FREM2: variants seen among roughly 807,000 people sequenced by gnomAD.
FREM2 encodes the protein FRAS1-related extracellular matrix protein 2.
A neutral mutation model predicts 219.9 loss-of-function variants in FREM2; 119 were observed. The observed-to-expected ratio is 0.54, with a 90% CI of 0.47 to 0.63. The LOEUF is 0.63. Ranked by LOEUF, FREM2 falls within the 30% of genes least tolerant of loss-of-function variation. FREM2 has a pLI of 0.00. For missense variants in FREM2, 4,030 were observed against 3,993.6 expected (o/e 1.01, Z -0.25); for synonymous variants, 1,562 against 1,522.8 (o/e 1.03, Z -0.60).
chr13:38,715,766 G>A (rs1870972601), intron 2 of FREM2, among the ~76,000 whole-genome samples: 1 of 151,660 alleles, frequency 6.6e-6, no homozygotes, highest in African/African-American at 2.4e-5. Flanking sequence ...ATCCTATCTT[G>A]GCCATTTATT....
In FREM2 at chr13:38,881,959, G is replaced by T. The variant is rs534617109; in HGVS notation, c.*1172G>T. The T allele has an allele frequency of 6.6e-6, 1 of 152,252 alleles. No individual in the cohort carries two copies. Among genetic ancestry groups the T allele is most frequent in the East Asian group, 1.9e-4 (1 of 5,180 alleles). 9.4% of individuals were successfully genotyped at this position (152,252 alleles called of 1,614,324 possible). Reference sequence around the variant, plus strand: ...TATCATTCCAGAAATGGTCTTGGAGGTGGCCAGAATCATTGACCATATTTT... The same window carrying T: ...TATCATTCCAGAAATGGTCTTGGAGTTGGCCAGAATCATTGACCATATTTT... On this transcript the variant is annotated 3_prime_UTR_variant, in exon 24 of 24. Transcript: ENST00000280481.
At chr13:38,840,656 AT>A (rs1354365691) in intron 6 of FREM2, among the ~76,000 whole-genome samples, 1 of 148,656 alleles carries the variant, frequency 6.7e-6, no homozygotes, top group Non-Finnish European at 1.5e-5. Flanking sequence ...GTGTATGTAT[AT>A]ATATACACAC....
intron 6 of FREM2, among the ~76,000 whole-genome samples, chr13:38,812,364 C>T (rs189483268): frequency 5.9e-4 from 89 of 152,018 alleles, no homozygotes; most frequent in Non-Finnish European, 3.2e-4. Flanking sequence ...GTCTGGTTGT[C>T]GGGTCTTTTC....
intron 1 of FREM2, among the ~76,000 whole-genome samples, 196 bp from the exon 2 acceptor site, chr13:38,697,502 G>A (rs1307367532): frequency 6.6e-6 from 1 of 152,198 alleles, no homozygotes; most frequent in Non-Finnish European, 1.5e-5. Flanking sequence ...TTATCTGTGT[G>A]AGGGATCAGG....
intron 16 of FREM2, among the ~76,000 whole-genome samples, 199 bp from the exon 17 acceptor site, chr13:38,872,543 A>G (rs777061957): frequency 1.3e-5 from 2 of 152,218 alleles, no homozygotes; most frequent in African/African-American, 4.8e-5. Flanking sequence ...TTTGTTGCCA[A>G]TGAAGGTAAT....
intron 1 of FREM2, among the ~76,000 whole-genome samples, chr13:38,693,155 A>C (rs1869966384): frequency 6.6e-6 from 1 of 152,228 alleles, no homozygotes; most frequent in Admixed American, 6.5e-5. Flanking sequence ...GAGTTATAAC[A>C]ATGATATTTA....
In FREM2 at chr13:38,783,129, T is replaced by C. The variant is rs1383107924; in HGVS notation, c.5701T>C (p.Phe1901Leu). ...CGTTGAAGAAGATGTTGGTGAGCTG[T>C]TCATTCCCATCAGGAGGAGCGGAGA... ...YSVEEDVGEL[F>L]IPIRRSGDVS... Residue 1901 changes from phenylalanine (F) to leucine (L), a missense_variant, in exon 5 of 24, where the codon TTC (phenylalanine) becomes CTC (leucine). Phe to Leu is a conservative substitution (Grantham distance 22). Coordinates refer to ENST00000280481, the MANE Select transcript of FREM2 (RefSeq NM_207361.6). 4.3e-5 allele frequency: 69 copies of C among 1,613,926 alleles called. No individual in the cohort carries two copies. Among genetic ancestry groups the C allele is most frequent in the Non-Finnish European group, 5.4e-5 (64 of 1,179,934 alleles).
intron 2 of FREM2, among the ~76,000 whole-genome samples, chr13:38,741,501 A>G (rs1358736197): frequency 6.6e-6 from 1 of 152,180 alleles, no homozygotes; most frequent in African/African-American, 2.4e-5. Flanking sequence ...ATGAACAGGG[A>G]CAATTGAGAT....
At chr13:38,843,497 A>G (rs1474327754) in intron 6 of FREM2, among the ~76,000 whole-genome samples, 1 of 152,142 alleles carries the variant, frequency 6.6e-6, no homozygotes, top group Non-Finnish European at 1.5e-5. Context: ...CTCATGAATA[A>G]TAATTTTTGA....
At chr13:38,831,241 G>A (rs1876496607) in intron 6 of FREM2, among the ~76,000 whole-genome samples, 1 of 152,144 alleles carries the variant, frequency 6.6e-6, no homozygotes, top group Non-Finnish European at 1.5e-5. Flanking sequence ...AATAGCATTT[G>A]TGGAATAAAG....
At chr13:38,858,966 G>A (rs990877940) in intron 13 of FREM2, among the ~76,000 whole-genome samples, 1 of 129,254 alleles carries the variant, frequency 7.7e-6, no homozygotes, top group African/African-American at 2.8e-5. Context: ...GGATAAGGGG[G>A]GTAAGATGAG....
chr13:38,750,824 C>CTGGTATT (rs1323079706), intron 2 of FREM2, among the ~76,000 whole-genome samples: 32 of 152,240 alleles, frequency 2.1e-4, no homozygotes, highest in Middle Eastern at 3.4e-3. Context: ...TCCCAAGTAG[C>CTGGTATT]TGGTATTACA....
At chr13:38,702,635 T>G (rs549389926) in intron 2 of FREM2, among the ~76,000 whole-genome samples, 1 of 125,326 alleles carries the variant, frequency 8.0e-6, no homozygotes, top group South Asian at 3.1e-4. Flanking sequence ...CAGCATCAGA[T>G]CCAGCTTGTT....
chr13:38,780,532 C>T lies in FREM2; in HGVS notation c.5642-2538C>T, dbSNP rs568990248. ...TCTCTTTATCTTACAGCAGTCACAACTTATGTTCTTAAAGTATGTCAGATT... is the reference window on the plus strand; with the variant it reads ...TCTCTTTATCTTACAGCAGTCACAATTTATGTTCTTAAAGTATGTCAGATT... On this transcript the variant is annotated intron_variant, in intron 4 of 23. Transcript: ENST00000280481. Among the ~76,000 whole-genome samples the T allele has an allele frequency of 3.9e-5, 6 of 152,308 alleles. No homozygotes were observed. The South Asian group carries it at 1.2e-3, about 32-fold the overall frequency.
In FREM2 at chr13:38,885,974, C is replaced by G. The variant is rs556158747; in HGVS notation, c.*5187C>G. The G allele has an allele frequency of 3.3e-5, 5 of 152,200 alleles. No individual in the cohort carries two copies. The East Asian group carries it at 9.6e-4, about 29-fold the overall frequency. 9.4% of individuals were successfully genotyped at this position (152,200 alleles called of 1,614,324 possible). On this transcript the variant is annotated 3_prime_UTR_variant, in exon 24 of 24. Transcript: ENST00000280481. The stretch of plus-strand genomic sequence containing the variant: ...TTTTTAAAATTATAATTATCAAATG[C>G]ACAATGTTCTTTTACTATGCCAAAT...
intron 2 of FREM2, among the ~76,000 whole-genome samples, chr13:38,732,830 A>G (rs1235323654): frequency 6.6e-6 from 1 of 152,234 alleles, no homozygotes; most frequent in Non-Finnish European, 1.5e-5. Context: ...ACTATTTTAT[A>G]TGGTTCTGAG....
At chr13:38,799,022 A>G (rs1874905401) in intron 6 of FREM2, among the ~76,000 whole-genome samples, 1 of 150,888 alleles carries the variant, frequency 6.6e-6, no homozygotes. Context: ...TGCTAATTTG[A>G]GGTTTGGTTT....
chr13:38,847,062 A>G (rs975532061), intron 7 of FREM2, among the ~76,000 whole-genome samples: 7 of 152,166 alleles, frequency 4.6e-5, no homozygotes, highest in Non-Finnish European at 7.3e-5. Flanking sequence ...CTTACTGCAC[A>G]TAATCTATCC....
chr13:38,740,146 T>A (rs1872181518), intron 2 of FREM2, among the ~76,000 whole-genome samples: 1 of 152,214 alleles, frequency 6.6e-6, no homozygotes, highest in African/African-American at 2.4e-5. Context: ...TCATAATCTA[T>A]TTTAGGATAT....
Sources: allele counts gnomAD v4.1 joint callset (sites outside exome capture counted in the v4.1 genomes callset), GRCh38; gene constraint gnomAD v4.1.1; transcripts MANE v1.5; gene names NCBI Gene and HGNC (gene_info 2026-07-23, HGNC 2026-07-21).